Variants in EDIL3 observed in about 807,000 individuals in gnomAD.
EDIL3 encodes the protein EGF-like repeat and discoidin I-like domain-containing protein 3.
A neutral mutation model predicts 67.4 loss-of-function variants in EDIL3; 37 were observed. The ratio of observed to expected loss-of-function variants is 0.55; its 90% CI spans 0.42 to 0.72. The LOEUF (loss-of-function observed/expected upper bound fraction) is 0.72, where lower values mean the gene tolerates loss of function less well. Among genes scored for constraint, EDIL3 ranks in the 30% least tolerant of loss-of-function variants. The pLI is 0.00. For missense variants in EDIL3, 527 were observed against 586.3 expected (o/e 0.90, Z 1.04); for synonymous variants, 195 against 196.3 (o/e 0.99, Z 0.05).
intron 6 of EDIL3, among the ~76,000 whole-genome samples, chr5:84,077,997 C>A (rs763020938): frequency 6.6e-6 from 1 of 151,880 alleles, no homozygotes; most frequent in Non-Finnish European, 1.5e-5. Flanking sequence ...AAAGATACAA[C>A]AATTTACAGC....
Position 84,322,578 on chromosome 5 carries a change from T to C in EDIL3, c.67+61730A>G, listed in dbSNP as rs1461221917. Among the ~76,000 whole-genome samples, 4 of 151,584 alleles carry C rather than the reference T, an allele frequency of 2.6e-5. No individual in the cohort carries two copies. The East Asian group carries it at 7.7e-4, about 29-fold the overall frequency. On this transcript the variant is annotated intron_variant, in intron 1 of 10. Coordinates refer to ENST00000296591, the MANE Select transcript of EDIL3 (RefSeq NM_005711.5). ...GGTGAACAGAACCTATGAAACAGAGTCAAGCATATTAACTTACACATTGTG... is the reference window on the plus strand; with the variant it reads ...GGTGAACAGAACCTATGAAACAGAGCCAAGCATATTAACTTACACATTGTG...
chr5:84,155,596 C>T (rs772761876), intron 4 of EDIL3, among the ~76,000 whole-genome samples: 4 of 152,132 alleles, frequency 2.6e-5, no homozygotes, highest in Non-Finnish European at 2.9e-5. Flanking sequence ...TCTCCATGTT[C>T]GTTAAGCATA....
intron 1 of EDIL3, among the ~76,000 whole-genome samples, chr5:84,378,279 A>C (rs1355772548): frequency 1.3e-5 from 2 of 152,178 alleles, no homozygotes; most frequent in Non-Finnish European, 2.9e-5. Flanking sequence ...CACCCAAAAA[A>C]TGTTGAACAT....
chr5:84,254,949 T>C (rs1260747773), intron 1 of EDIL3, among the ~76,000 whole-genome samples: 2 of 152,198 alleles, frequency 1.3e-5, no homozygotes, highest in Admixed American at 6.5e-5. Context: ...CCATTTTATG[T>C]AGTGTGTAAC....
intron 2 of EDIL3, among the ~76,000 whole-genome samples, chr5:84,252,129 T>C (rs565167228): frequency 8.5e-5 from 13 of 152,138 alleles, no homozygotes; most frequent in South Asian, 4.1e-4. Flanking sequence ...AGTATCAGTC[T>C]TCAGATAAAA....
chr5:84,378,204 T>A (rs1748006801), intron 1 of EDIL3, among the ~76,000 whole-genome samples: 1 of 152,114 alleles, frequency 6.6e-6, no homozygotes, highest in Non-Finnish European at 1.5e-5. Flanking sequence ...ATTAAGCAGG[T>A]TTTCAAGCTT....
At chr5:84,248,439 A>AT (rs1164864708) in intron 2 of EDIL3, among the ~76,000 whole-genome samples, 2 of 152,120 alleles carry the variant, frequency 1.3e-5, no homozygotes, top group Non-Finnish European at 2.9e-5. Context: ...CTATCACTTA[A>AT]ATATTGATGG....
chr5:84,290,407 A>G (rs1474690718), intron 1 of EDIL3, among the ~76,000 whole-genome samples: 2 of 152,158 alleles, frequency 1.3e-5, no homozygotes, highest in African/African-American at 4.8e-5. Flanking sequence ...GTGCCTGGGA[A>G]ATTCCATCTA....
intron 1 of EDIL3, among the ~76,000 whole-genome samples, chr5:84,280,950 A>C (rs1745688223): frequency 1.7e-5 from 2 of 120,032 alleles, no homozygotes; most frequent in Non-Finnish European, 3.9e-5. Context: ...ACTCTGTCAA[A>C]AAAAAAAAAA....
chr5:84,168,009 TA>T (rs1176934443), intron 4 of EDIL3, among the ~76,000 whole-genome samples: 6 of 152,188 alleles, frequency 3.9e-5, no homozygotes, highest in Non-Finnish European at 7.4e-5. Flanking sequence ...ATAAAATGAT[TA>T]AAATCTCCTG....
intron 6 of EDIL3, among the ~76,000 whole-genome samples, chr5:84,073,304 T>G (rs991817853): frequency 3.9e-5 from 6 of 152,248 alleles, no homozygotes; most frequent in Admixed American, 3.9e-4. Flanking sequence ...GGATGCCCTC[T>G]CTCACCACTC....
At position 84,064,699 on chromosome 5, in the gene EDIL3, C is replaced by T. The variant is rs746089721; in HGVS notation, c.952+1G>A. 1.2e-6 allele frequency: 2 copies of T among 1,610,426 alleles called. No homozygotes were observed. Among genetic ancestry groups the T allele is most frequent in the Non-Finnish European group, 1.7e-6 (2 of 1,178,092 alleles). ...ACAGAAATAGTTAATTTGAGACTTACCCGACAGTTCACAGCCAAGAAGTTC... is the reference window on the plus strand; with the variant it reads ...ACAGAAATAGTTAATTTGAGACTTATCCGACAGTTCACAGCCAAGAAGTTC... On this transcript the variant is annotated splice_donor_variant, in intron 8 of 10. Transcript: ENST00000296591. LOFTEE classifies it high-confidence loss of function.
chr5:84,187,916 C>T (rs553191242), intron 3 of EDIL3, among the ~76,000 whole-genome samples: 21 of 151,974 alleles, frequency 1.4e-4, no homozygotes, highest in African/African-American at 4.1e-4. Context: ...GGATAAAAAT[C>T]GTCTATGAGT....
intron 1 of EDIL3, among the ~76,000 whole-genome samples, chr5:84,260,234 T>C (rs1034297068): frequency 4.6e-5 from 7 of 152,188 alleles, no homozygotes; most frequent in Admixed American, 2.0e-4. Context: ...TGGTTATTTA[T>C]GACAGACAGT....
chr5:84,121,955 C>T (rs1212991111), intron 5 of EDIL3, among the ~76,000 whole-genome samples: 2 of 151,944 alleles, frequency 1.3e-5, no homozygotes, highest in African/African-American at 4.8e-5. Context: ...GCCTATTCCT[C>T]GCATCTTATA....
intron 1 of EDIL3, among the ~76,000 whole-genome samples, chr5:84,351,756 T>C (rs890860937): frequency 2.6e-5 from 4 of 151,998 alleles, no homozygotes; most frequent in Non-Finnish European, 5.9e-5. Context: ...TAGTAAAATT[T>C]ATGGAAACAA....
chr5:84,356,815 TTGA>T (rs1747492999), intron 1 of EDIL3, among the ~76,000 whole-genome samples: 1 of 151,806 alleles, frequency 6.6e-6, no homozygotes, highest in South Asian at 2.1e-4. Context: ...AATCATTAAA[TTGA>T]TGATTCAGAG....
chr5:84,054,282 T>A (rs1047146802), intron 9 of EDIL3, among the ~76,000 whole-genome samples: 3 of 152,178 alleles, frequency 2.0e-5, no homozygotes, highest in African/African-American at 4.8e-5. Flanking sequence ...AAACTCTCAA[T>A]AAATTAGGTA....
rs781625915 is a variant in EDIL3 at position 83,963,241 on chromosome 5, C to T, written c.1257G>A (p.Trp419Ter). The T allele has an allele frequency of 3.1e-6, 5 of 1,610,156 alleles. No individual in the cohort carries two copies. Among genetic ancestry groups the T allele is most frequent in the Admixed American group, 3.3e-5 (2 of 59,708 alleles). Residue 419 changes from tryptophan to a stop codon, truncating the protein, a stop_gained, in exon 10 of 11, where the codon TGG becomes TGA. Coordinates refer to ENST00000296591, the MANE Select transcript of EDIL3 (RefSeq NM_005711.5). LOFTEE classifies it high-confidence loss of function. ...TTTGCTTTTCATCCTGGTATACAGT[C>T]CAGTGTTCTCCATCATTGCTGTAAG... ...KLAYSNDGEH[W>*]TVYQDEKQRK...
Sources: allele counts gnomAD v4.1 joint callset (sites outside exome capture counted in the v4.1 genomes callset), GRCh38; gene constraint gnomAD v4.1.1; transcripts MANE v1.5; gene names NCBI Gene and HGNC (gene_info 2026-07-23, HGNC 2026-07-21).